The following DMXL1 variants were observed in gnomAD, a reference collection of about 807,000 sequenced individuals.
The protein encoded by DMXL1 is Dmx like 1.
Under a neutral mutation model 319.2 loss-of-function variants are expected in DMXL1, and 99 were observed. That is an observed-to-expected ratio of 0.31 (90% confidence interval 0.26 to 0.37). DMXL1 has a LOEUF of 0.37. Ranked by LOEUF, DMXL1 falls within the 10% of genes least tolerant of loss-of-function variation. The pLI is 1.00. For missense variants in DMXL1, 3,745 were observed against 3,595.6 expected, an observed-to-expected ratio of 1.04 and a Z score of -1.06; for synonymous variants, 1,385 against 1,235.2, an observed-to-expected ratio of 1.12 and a Z score of -2.54.
At chr5:119,082,016 T>TACAC (rs1379090382) in intron 1 of DMXL1, among the ~76,000 whole-genome samples, 141 of 78,706 alleles carry the variant, frequency 1.8e-3, no homozygotes, top group Non-Finnish European at 3.4e-3. Context: ...TATATATATA[T>TACAC]ATATACACAC....
intron 19 of DMXL1, among the ~76,000 whole-genome samples, chr5:119,155,639 G>T (rs1770849052): frequency 6.6e-6 from 1 of 151,970 alleles, no homozygotes; most frequent in South Asian, 2.1e-4. Context: ...AGGAGTTTAG[G>T]ATCAGCCTGG....
intron 33 of DMXL1, 32 bp downstream of exon 33, chr5:119,203,468 T>C: frequency 7.5e-7 from 1 of 1,325,112 alleles, no homozygotes; most frequent in South Asian, 1.4e-5. Context: ...TTTACTATTT[T>C]ATTATTGAAG....
At position 119,121,159 on chromosome 5, in the gene DMXL1, A is replaced by C. The variant is rs968513024; in HGVS notation, c.1102+20A>C. The C allele has an allele frequency of 2.6e-6, 4 of 1,557,320 alleles. No individual in the cohort carries two copies. Among genetic ancestry groups the C allele is most frequent in the Non-Finnish European group, 3.5e-6 (4 of 1,155,156 alleles). ...CCACAGGTAATGAAACATTGTTCAA[A>C]ACATGTTTCTGAAATTGAATAGATT... is the stretch of plus-strand genomic sequence containing the variant. On this transcript the variant is annotated intron_variant, in intron 9 of 43. Coordinates refer to ENST00000539542, the MANE Select transcript of DMXL1 (RefSeq NM_001290321.3).
intron 1 of DMXL1, among the ~76,000 whole-genome samples, chr5:119,079,983 G>C (rs1419986374): frequency 6.6e-6 from 1 of 152,120 alleles, no homozygotes; most frequent in African/African-American, 2.4e-5. Context: ...AGTCTGTGAT[G>C]GTGAGATCCC....
intron 34 of DMXL1, among the ~76,000 whole-genome samples, chr5:119,212,589 C>A (rs1782990521): frequency 6.6e-6 from 1 of 152,066 alleles, no homozygotes; most frequent in Admixed American, 6.6e-5. Context: ...GATCATATAG[C>A]AATTCTGTGT....
In DMXL1 at chr5:119,219,330, C is replaced by G. The variant is rs557913470; in HGVS notation, c.8014-1142C>G. Among the ~76,000 whole-genome samples the G allele has an allele frequency of 1.4e-4, 22 of 152,234 alleles. No homozygotes were observed. The South Asian group carries it at 4.1e-3, about 29-fold the overall frequency. On this transcript the variant is annotated intron_variant, in intron 35 of 43. Transcript: ENST00000539542. Reference sequence around the variant, plus strand: ...TTATACAAACATCCTGGCAATTATACTGCAGAAAAAAGGGCAGACATGACT... The same window carrying G: ...TTATACAAACATCCTGGCAATTATAGTGCAGAAAAAAGGGCAGACATGACT...
At chr5:119,165,104 G>A (rs867947428) in intron 20 of DMXL1, 79 bp from the exon 21 acceptor site, 8 of 814,596 alleles carry the variant, frequency 9.8e-6, no homozygotes, top group South Asian at 9.4e-5. Context: ...CAATGGATAT[G>A]TGCCAGCCTT....
chr5:119,123,106 G>C (rs1385702199), intron 9 of DMXL1, among the ~76,000 whole-genome samples: 2 of 152,090 alleles, frequency 1.3e-5, no homozygotes, highest in African/African-American at 4.8e-5. Flanking sequence ...CTGGAGACCG[G>C]CCCGGCCAAC....
Position 119,170,995 on chromosome 5 carries a change from AG to A in DMXL1, c.6205del (p.Ala2069LeufsTer28). ...ACCACTGGCTTGAAAAAGAGGTGAT[AG>A]CTCTTCAGAGGACTTGTGACTTTTG... ...LYHWLEKEVI[A>X]LQRTCDFCSD... is the part of the protein sequence containing the mutation. On this transcript the variant is annotated frameshift_variant, in exon 24 of 44. Transcript: ENST00000539542. LOFTEE classifies it high-confidence loss of function. 6.2e-7 allele frequency: 1 copy of A among 1,613,946 alleles called. No homozygotes were observed. Among genetic ancestry groups the A allele is most frequent in the Non-Finnish European group, 8.5e-7 (1 of 1,179,912 alleles).
At chr5:119,083,113 C>T (rs1005199799) in intron 1 of DMXL1, among the ~76,000 whole-genome samples, 8 of 152,006 alleles carry the variant, frequency 5.3e-5, no homozygotes, top group Non-Finnish European at 7.4e-5. Flanking sequence ...CAGGTTCAGG[C>T]GATTGTTGTG....
intron 4 of DMXL1, 112 bp from the exon 5 acceptor site, chr5:119,110,039 T>C (rs1759228440): frequency 1.1e-6 from 1 of 941,842 alleles, no homozygotes; most frequent in Non-Finnish European, 1.6e-6. Flanking sequence ...TTCAAAATTT[T>C]TTTTGATATT....
rs139958844 is a variant in DMXL1, at chr5:119,148,887, A to G, written c.3060A>G (p.Ala1020=). ...CAAAGAATGGAAAAATTGATCTTGC[A>G]TACATTTGGGAAGAATGGCCATTAC... The part of the protein sequence containing the change: ...ATSKNGKIDL[A]YIWEEWPLLI... Residue 1020 remains alanine (A), a synonymous_variant, in exon 18 of 44, where the codon GCA becomes GCG. Coordinates refer to ENST00000539542, the MANE Select transcript of DMXL1 (RefSeq NM_001290321.3). The G allele has an allele frequency of 1.2e-6, 2 of 1,613,856 alleles. No individual in the cohort carries two copies. The highest frequency in any genetic ancestry group is 1.3e-5 in the African/African-American group (1 of 75,022).
chr5:119,239,787 C>T (rs984406459), intron 41 of DMXL1, among the ~76,000 whole-genome samples: 1 of 151,854 alleles, frequency 6.6e-6, no homozygotes, highest in African/African-American at 2.4e-5. Flanking sequence ...GAAACCCTAT[C>T]TCTACTAAAA....
chr5:119,189,274 T>C (rs1318885241), intron 28 of DMXL1, among the ~76,000 whole-genome samples: 3 of 152,190 alleles, frequency 2.0e-5, no homozygotes, highest in Non-Finnish European at 4.4e-5. Context: ...ATGAAAAATA[T>C]AGTTTTAGAT....
At chr5:119,072,390 A>G (rs751250437) in intron 1 of DMXL1, among the ~76,000 whole-genome samples, 1 of 152,124 alleles carries the variant, frequency 6.6e-6, no homozygotes, top group Non-Finnish European at 1.5e-5. Context: ...TCAAAATATA[A>G]GTCAGTAATT....
chr5:119,105,476 A>T (rs2149816870), intron 4 of DMXL1, among the ~76,000 whole-genome samples: 1 of 152,306 alleles, frequency 6.6e-6, no homozygotes. Context: ...TAGGATACCC[A>T]TTGTTTTTGG....
intron 39 of DMXL1, among the ~76,000 whole-genome samples, chr5:119,235,955 G>A (rs937816729): frequency 6.6e-6 from 1 of 151,862 alleles, no homozygotes; most frequent in Non-Finnish European, 1.5e-5. Context: ...ATCTACTCCA[G>A]AAAATGTAAG....
At chr5:119,137,919 A>C (rs948007270) in intron 13 of DMXL1, among the ~76,000 whole-genome samples, 4 of 152,196 alleles carry the variant, frequency 2.6e-5, no homozygotes, top group Admixed American at 6.5e-5. Flanking sequence ...GTCAGGGATA[A>C]AGTCGGAAAG....
At chr5:119,157,382 CA>C (rs1295468738) in intron 19 of DMXL1, among the ~76,000 whole-genome samples, 1 of 152,038 alleles carries the variant, frequency 6.6e-6, no homozygotes. Context: ...GTGTGATATC[CA>C]AAAAAATCAT....
Sources: allele counts gnomAD v4.1 joint callset (sites outside exome capture counted in the v4.1 genomes callset), GRCh38; gene constraint gnomAD v4.1.1; transcripts MANE v1.5; gene names NCBI Gene and HGNC (gene_info 2026-07-23, HGNC 2026-07-21).